ATP9B: variants seen among roughly 807,000 people sequenced by gnomAD.
ATP9B encodes the protein ATPase phospholipid transporting 9B.
Under a neutral mutation model 146.1 loss-of-function variants are expected in ATP9B, and 110 were observed. The observed-to-expected ratio is 0.75, with a 90% CI of 0.65 to 0.88. The LOEUF is 0.88. Among genes scored for constraint, ATP9B ranks in the 40% least tolerant of loss-of-function variants. The probability of loss-of-function intolerance (pLI) is 0.00; values close to 1 mark genes in which losing one functional copy is unlikely to be tolerated. For synonymous variants in ATP9B, 604 were observed against 569.7 expected (o/e 1.06, Z -0.86); for missense variants, 1,499 against 1,496.4 (o/e 1.00, Z -0.03).
At chr18:79,272,956 G>A (rs1361415851) in intron 12 of ATP9B, among the ~76,000 whole-genome samples, 1 of 152,236 alleles carries the variant, frequency 6.6e-6, no homozygotes, top group Non-Finnish European at 1.5e-5. Context: ...GCCAGTGGCT[G>A]TGGAACTTAG....
At chr18:79,334,989 G>A (rs555371905) in intron 17 of ATP9B, among the ~76,000 whole-genome samples, 5 of 150,390 alleles carry the variant, frequency 3.3e-5, no homozygotes, top group Admixed American at 6.6e-5. Context: ...GCCCTCACGC[G>A]TCTGTTCCTG....
chr18:79,081,789 T>C (rs12373224), intron 1 of ATP9B, among the ~76,000 whole-genome samples: 66,202 of 151,298 alleles, frequency 0.44, 16,164 homozygotes, highest in Middle Eastern at 0.67. Context: ...GTTAGTCTGA[T>C]GGGCTTCTCT....
rs558957415 is a variant in ATP9B, at chr18:79,251,042, A to G, written c.1108-2339A>G. Reference sequence around the variant, plus strand: ...GCTGTCTGTGTTGCTGTATTGCAACATGGAGAAGAGTTTTTGTGGCAGGCC... The same window carrying G: ...GCTGTCTGTGTTGCTGTATTGCAACGTGGAGAAGAGTTTTTGTGGCAGGCC... On this transcript the variant is annotated intron_variant, in intron 11 of 29. Transcript: ENST00000426216. Among the ~76,000 whole-genome samples, 5 of 152,378 alleles carry G rather than the reference A, an allele frequency of 3.3e-5. No homozygotes were observed. The East Asian group carries it at 9.6e-4, about 29-fold the overall frequency.
At chr18:79,290,464 C>G (rs2096491490) in intron 13 of ATP9B, among the ~76,000 whole-genome samples, 1 of 152,076 alleles carries the variant, frequency 6.6e-6, no homozygotes, top group Admixed American at 6.6e-5. Flanking sequence ...TTAAGCCCGT[C>G]AGAAAAGTGC....
intron 25 of ATP9B, among the ~76,000 whole-genome samples, chr18:79,348,487 C>T (rs2096904469): frequency 6.6e-6 from 1 of 152,172 alleles, no homozygotes; most frequent in South Asian, 2.1e-4. Context: ...TGGCAGAAGG[C>T]GGAGGGGCAG....
intron 12 of ATP9B, among the ~76,000 whole-genome samples, chr18:79,256,274 T>C (rs989216463): frequency 1.5e-5 from 2 of 132,520 alleles, no homozygotes; most frequent in Admixed American, 1.5e-4. Context: ...TATATATATA[T>C]ATATATATAT....
intron 1 of ATP9B, among the ~76,000 whole-genome samples, chr18:79,090,757 A>G (rs1480992127): frequency 6.6e-6 from 1 of 151,918 alleles, no homozygotes; most frequent in African/African-American, 2.4e-5. Flanking sequence ...TGATTGTATC[A>G]TTTGTTCTGC....
At chr18:79,311,609 A>G (rs1179172621) in intron 15 of ATP9B, among the ~76,000 whole-genome samples, 1 of 152,256 alleles carries the variant, frequency 6.6e-6, no homozygotes, top group African/African-American at 2.4e-5. Flanking sequence ...TAACCAAAAT[A>G]TACTAATTTA....
At chr18:79,192,923 C>T (rs188402247) in intron 8 of ATP9B, among the ~76,000 whole-genome samples, 3 of 152,264 alleles carry the variant, frequency 2.0e-5, no homozygotes, top group Admixed American at 1.3e-4. Context: ...TGGACAGGCC[C>T]CGGGGCTGCC....
intron 11 of ATP9B, among the ~76,000 whole-genome samples, chr18:79,250,642 C>T (rs1257946814): frequency 6.6e-6 from 1 of 152,298 alleles, no homozygotes; most frequent in Non-Finnish European, 1.5e-5. Flanking sequence ...GTTGAAGTAG[C>T]GGAAATTGCA....
intron 1 of ATP9B, among the ~76,000 whole-genome samples, chr18:79,071,884 G>GTTTTTTTTTTTTTT (rs375351848): frequency 1.3e-5 from 1 of 79,872 alleles, no homozygotes; most frequent in African/African-American, 4.9e-5. Flanking sequence ...TTCATGTTTG[G>GTTTTTTTTTTTTTT]TTTTGTTTTT....
At chr18:79,251,216 C>T (rs1419276740) in intron 11 of ATP9B, among the ~76,000 whole-genome samples, 1 of 152,204 alleles carries the variant, frequency 6.6e-6, no homozygotes, top group Non-Finnish European at 1.5e-5. Flanking sequence ...ACAGGAGGGG[C>T]CGCCCCACCC....
At chr18:79,071,172 C>G (rs564982824) in intron 1 of ATP9B, among the ~76,000 whole-genome samples, 1 of 148,712 alleles carries the variant, frequency 6.7e-6, no homozygotes, top group Admixed American at 6.8e-5. Context: ...TTACAATATA[C>G]AAATGTGACT....
chr18:79,284,611 A>AT (rs980934527), intron 13 of ATP9B, among the ~76,000 whole-genome samples: 54 of 151,656 alleles, frequency 3.6e-4, no homozygotes, highest in Non-Finnish European at 5.7e-4. Context: ...TTTCCATTTC[A>AT]TTTTTTTTAA....
chr18:79,105,615 C>A (rs566222380), intron 2 of ATP9B, among the ~76,000 whole-genome samples: 1 of 152,290 alleles, frequency 6.6e-6, no homozygotes, highest in South Asian at 2.1e-4. Flanking sequence ...AGTGAATACA[C>A]CTTTCTGTAA....
At chr18:79,081,687 A>T (rs1235136754) in intron 1 of ATP9B, among the ~76,000 whole-genome samples, 1 of 150,512 alleles carries the variant, frequency 6.6e-6, no homozygotes, top group East Asian at 2.0e-4. Context: ...GTTTGGCTGG[A>T]TATACAATTC....
intron 1 of ATP9B, among the ~76,000 whole-genome samples, chr18:79,093,908 G>A (rs1320513455): frequency 6.6e-6 from 1 of 152,194 alleles, no homozygotes; most frequent in Non-Finnish European, 1.5e-5. Flanking sequence ...ACTGCAATTA[G>A]CATTTGTTGG....
At chr18:79,097,579 T>C (rs2074909093) in intron 2 of ATP9B, among the ~76,000 whole-genome samples, 1 of 118,954 alleles carries the variant, frequency 8.4e-6, no homozygotes, top group African/African-American at 3.3e-5. Context: ...CCTGTGTCCA[T>C]GTGATCTCAT....
At chr18:79,227,922 GT>G (rs1353934572) in intron 11 of ATP9B, among the ~76,000 whole-genome samples, 2 of 152,202 alleles carry the variant, frequency 1.3e-5, no homozygotes, top group Non-Finnish European at 2.9e-5. Context: ...CCATTCTCTA[GT>G]TTTTAAAAAT....
Sources: gnomAD v4.1 joint callset for allele counts (sites outside exome capture counted in the v4.1 genomes callset) on GRCh38, gnomAD v4.1.1 for gene constraint, MANE v1.5 for transcripts, NCBI Gene and HGNC (gene_info 2026-07-23, HGNC 2026-07-21) for gene names.